Variants in CPNE8 observed in about 807,000 individuals in gnomAD.
CPNE8 encodes copine 8.
In CPNE8, 45 loss-of-function variants were observed where a neutral mutation model predicts 81.5. The observed-to-expected ratio is 0.55, with a 90% CI of 0.44 to 0.71. CPNE8 has a LOEUF of 0.71. CPNE8 is among the 30% of genes least tolerant of loss of function. The probability of loss-of-function intolerance (pLI) is 0.00; values close to 1 mark genes in which losing one functional copy is unlikely to be tolerated. For missense variants in CPNE8, 594 were observed against 672.1 expected (o/e 0.88, Z 1.28); for synonymous variants, 252 against 226.3 (o/e 1.11, Z -1.02).
intron 6 of CPNE8, among the ~76,000 whole-genome samples, chr12:38,800,127 A>G (rs7975657): frequency 0.76 from 82,619 of 108,598 alleles, 33,994 homozygotes; most frequent in Non-Finnish European, 0.92. Context: ...CAAAGCAGCC[A>G]GGAAGCTCGA....
At chr12:38,700,133 G>A (rs1446972406) in intron 14 of CPNE8, among the ~76,000 whole-genome samples, 1 of 151,682 alleles carries the variant, frequency 6.6e-6, no homozygotes, top group Non-Finnish European at 1.5e-5. Flanking sequence ...ATACATTTTT[G>A]TCTTGTTTTT....
intron 6 of CPNE8, among the ~76,000 whole-genome samples, chr12:38,785,209 C>T (rs969677339): frequency 6.8e-6 from 1 of 147,956 alleles, no homozygotes; most frequent in Non-Finnish European, 1.5e-5. Flanking sequence ...AAAAAAAGGA[C>T]CCATTAAGGA....
intron 3 of CPNE8, among the ~76,000 whole-genome samples, chr12:38,851,003 G>T (rs1024568528): frequency 6.6e-6 from 1 of 152,194 alleles, no homozygotes; most frequent in Non-Finnish European, 1.5e-5. Context: ...TATGAAAGAG[G>T]CTTCATACAG....
intron 5 of CPNE8, among the ~76,000 whole-genome samples, chr12:38,830,026 G>C (rs1417089814): frequency 6.6e-6 from 1 of 152,134 alleles, no homozygotes; most frequent in Non-Finnish European, 1.5e-5. Flanking sequence ...TGTTCTGAGG[G>C]TTCAATTAGT....
chr12:38,836,830 C>T (rs1032713374), intron 5 of CPNE8, among the ~76,000 whole-genome samples: 9 of 152,114 alleles, frequency 5.9e-5, no homozygotes, highest in Non-Finnish European at 1.0e-4. Context: ...TGCGTCTTTA[C>T]CTAAAATCTG....
rs1944342125 is a variant in CPNE8, at chr12:38,693,812, G to A, written c.988C>T (p.His330Tyr). Reference sequence around the variant, plus strand: ...TTCAGTTGGTAAGGATTCATGTAGTGGAGGGAAGTGGGCTGAGCAGGGTTG... The same window carrying A: ...TTCAGTTGGTAAGGATTCATGTAGTAGAGGGAAGTGGGCTGAGCAGGGTTG... ...NGNPAQPTSL[H>Y]YMNPYQLNAY... Residue 330 changes from histidine (H) to tyrosine (Y), a missense_variant, in exon 15 of 20, where the codon CAC (histidine) becomes TAC (tyrosine). Transcript: ENST00000331366. The A allele has an allele frequency of 6.2e-7, 1 of 1,610,944 alleles. No homozygotes were observed. Among genetic ancestry groups the A allele is most frequent in the African/African-American group, 1.3e-5 (1 of 74,780 alleles).
At chr12:38,695,248 T>C (rs747612586) in intron 14 of CPNE8, among the ~76,000 whole-genome samples, 1 of 152,198 alleles carries the variant, frequency 6.6e-6, no homozygotes, top group Non-Finnish European at 1.5e-5. Flanking sequence ...CTCAAGGACA[T>C]GGAAGGCATC....
In CPNE8 at chr12:38,750,092, T is replaced by G. The variant is rs183490071; in HGVS notation, c.722+10755A>C. 5.3e-3 allele frequency among the ~76,000 whole-genome samples: 811 copies of G among 152,174 alleles called. 5 individuals carry two copies. Among genetic ancestry groups the G allele is most frequent in the African/African-American group, 0.019 (770 of 41,544 alleles). Reference sequence around the variant, plus strand: ...GCTCTGCATCCCAGCCACTTCAGCTTGGACTAAAAGAGGCCAAGTGCAACC... The same window carrying G: ...GCTCTGCATCCCAGCCACTTCAGCTGGGACTAAAAGAGGCCAAGTGCAACC... On this transcript the variant is annotated intron_variant, in intron 10 of 19. Transcript: ENST00000331366.
chr12:38,755,485 A>G (rs1235771942), intron 10 of CPNE8, among the ~76,000 whole-genome samples: 3 of 152,168 alleles, frequency 2.0e-5, no homozygotes, highest in Non-Finnish European at 4.4e-5. Flanking sequence ...GAAGCTTTTC[A>G]AGGATACCGC....
intron 3 of CPNE8, among the ~76,000 whole-genome samples, chr12:38,864,136 C>G (rs539568621): frequency 6.6e-6 from 1 of 151,462 alleles, no homozygotes; most frequent in Non-Finnish European, 1.5e-5. Flanking sequence ...CCTGTCAGTA[C>G]AGTAAGGATA....
At chr12:38,859,194 A>C (rs1439916455) in intron 3 of CPNE8, among the ~76,000 whole-genome samples, 2 of 152,142 alleles carry the variant, frequency 1.3e-5, no homozygotes, top group East Asian at 3.9e-4. Context: ...GTTAAAAAAA[A>C]AAATCCCAAA....
chr12:38,808,430 AATG>A (rs1763372952), intron 6 of CPNE8, among the ~76,000 whole-genome samples: 1 of 152,112 alleles, frequency 6.6e-6, no homozygotes. Context: ...AGCCATAAAA[AATG>A]ATGAGTTCAT....
intron 18 of CPNE8, among the ~76,000 whole-genome samples, chr12:38,673,834 T>C (rs1439671708): frequency 6.6e-6 from 1 of 151,904 alleles, no homozygotes; most frequent in Non-Finnish European, 1.5e-5. Context: ...AGCAGCACTA[T>C]CCTGAGGATA....
intron 13 of CPNE8, among the ~76,000 whole-genome samples, chr12:38,708,963 A>G (rs545539753): frequency 6.6e-6 from 1 of 152,366 alleles, no homozygotes; most frequent in East Asian, 1.9e-4. Context: ...TTTGTAAATT[A>G]TACAGTGGAT....
chr12:38,704,834 A>ATGTGTATG (rs370867515), intron 13 of CPNE8, among the ~76,000 whole-genome samples: 1 of 81,398 alleles, frequency 1.2e-5, no homozygotes, highest in Non-Finnish European at 2.4e-5. Flanking sequence ...GTGTATATAT[A>ATGTGTATG]TATATATATA....
chr12:38,743,947 A>G (rs565999939), intron 10 of CPNE8, among the ~76,000 whole-genome samples: 4 of 152,322 alleles, frequency 2.6e-5, no homozygotes, highest in Non-Finnish European at 5.9e-5. Context: ...CTGCCAGATG[A>G]ACAACTATAA....
chr12:38,874,568 T>G, intron 1 of CPNE8, 57 bp from the exon 2 acceptor site: 1 of 1,079,880 alleles, frequency 9.3e-7, no homozygotes, highest in Non-Finnish European at 1.4e-6. Flanking sequence ...TTTATATTTA[T>G]ATAGACATAT....
intron 5 of CPNE8, among the ~76,000 whole-genome samples, chr12:38,835,711 T>C (rs1388547462): frequency 6.6e-6 from 1 of 152,222 alleles, no homozygotes; most frequent in Non-Finnish European, 1.5e-5. Flanking sequence ...AAAATCCATT[T>C]CATGGTCCAA....
rs368297297 is a variant in CPNE8, at chr12:38,884,442, T to C, written c.99-9931A>G. Among the ~76,000 whole-genome samples the C allele has an allele frequency of 2.7e-4, 41 of 152,314 alleles. No homozygotes were observed. In the East Asian group the frequency reaches 7.3e-3, roughly 27 times the overall value. ...TATACTACTTTGGTTCATCGATTCA[T>C]AGATATTTGGGTTGTTTCTATTTTT... On this transcript the variant is annotated intron_variant, in intron 1 of 19. Coordinates refer to ENST00000331366, the MANE Select transcript of CPNE8 (RefSeq NM_153634.3).
Sources: gnomAD v4.1 joint callset for allele counts (sites outside exome capture counted in the v4.1 genomes callset) on GRCh38, gnomAD v4.1.1 for gene constraint, MANE v1.5 for transcripts, NCBI Gene and HGNC (gene_info 2026-07-23, HGNC 2026-07-21) for gene names.